USP40: variants seen among roughly 807,000 people sequenced by gnomAD.
USP40 encodes the protein ubiquitin specific peptidase 40, also known as ubiquitin carboxyl-terminal hydrolase 40.
Under a neutral mutation model 166.2 loss-of-function variants are expected in USP40, and 143 were observed. The observed-to-expected ratio is 0.86, with a 90% CI of 0.75 to 0.99. The LOEUF (loss-of-function observed/expected upper bound fraction) is 0.99, where lower values mean the gene tolerates loss of function less well. Ranked by LOEUF, USP40 falls within the 50% of genes least tolerant of loss-of-function variation. The pLI is 0.00. For missense variants in USP40, 1,444 were observed against 1,479.7 expected (o/e 0.98, Z 0.40); for synonymous variants, 498 against 524.0 (o/e 0.95, Z 0.68).
In USP40 at chr2:233,487,715, TAATA is replaced by T. The variant is rs545804995; in HGVS notation, c.3197+520_3197+523del. 11 of 222,544 alleles carry T rather than the reference TAATA, an allele frequency of 4.9e-5. No homozygotes were observed. The South Asian group carries it at 6.6e-4, about 13-fold the overall frequency. The allele number at this position is 222,544 out of a possible 1,614,324, so 13.8% of individuals were successfully genotyped here. A position where few individuals can be genotyped will look rare whatever the true frequency, so the allele number is the denominator to read the frequency against. ...AGACAATTTTGGGTGTATCTTTATT[TAATA>T]AATAATTATTGACTATGACATGGGC... On this transcript the variant is annotated intron_variant, in intron 28 of 31. Coordinates refer to ENST00000678225, the MANE Select transcript of USP40 (RefSeq NM_001365479.2).
At position 233,477,143 on chromosome 2, in the gene USP40, A is replaced by G. The variant is rs2064220185; in HGVS notation, c.*249T>C. 2.0e-6 allele frequency: 1 copy of G among 509,402 alleles called. No homozygotes were observed. 31.6% of individuals were successfully genotyped at this position (509,402 alleles called of 1,614,324 possible). A position where few individuals can be genotyped will look rare whatever the true frequency, so the allele number is the denominator to read the frequency against. ...CAGCTGGGGCCGGGTGCTGTGTGAG[A>G]GAGCCCAGCACCTACTGGCAGCTGG... On this transcript the variant is annotated 3_prime_UTR_variant, in exon 32 of 32. Coordinates refer to ENST00000678225, the MANE Select transcript of USP40 (RefSeq NM_001365479.2).
intron 21 of USP40, among the ~76,000 whole-genome samples, chr2:233,501,800 GT>G (rs1216178873): frequency 2.0e-5 from 3 of 152,240 alleles, no homozygotes; most frequent in African/African-American, 7.2e-5. Context: ...GAGCTTTACT[GT>G]GAATATGTTC....
rs951300711 is a variant in USP40, at chr2:233,556,184, A to C, written c.546+671T>G. 3.9e-5 allele frequency among the ~76,000 whole-genome samples: 6 copies of C among 152,102 alleles called. No homozygotes were observed. In the East Asian group the frequency reaches 1.2e-3, roughly 29 times the overall value. On this transcript the variant is annotated intron_variant, in intron 5 of 31. Coordinates refer to ENST00000678225, the MANE Select transcript of USP40 (RefSeq NM_001365479.2). ...TACACAAACTTCCTTGGCATAAATAACAAAAGCAGCCTTTTATTAAAGGAT... is the reference window on the plus strand; with the variant it reads ...TACACAAACTTCCTTGGCATAAATACCAAAAGCAGCCTTTTATTAAAGGAT...
In USP40 at chr2:233,536,753, C is replaced by G. The variant is rs575960323; in HGVS notation, c.1171-2974G>C. 6.6e-5 allele frequency among the ~76,000 whole-genome samples: 10 copies of G among 152,224 alleles called. No individual in the cohort carries two copies. In the East Asian group the frequency reaches 1.9e-3, roughly 29 times the overall value. ...TCCTCAGTATCTGCAGTTTCCAAAT[C>G]CACAGATTCAACCAACCATGAATCA... On this transcript the variant is annotated intron_variant, in intron 10 of 31. Coordinates refer to ENST00000678225, the MANE Select transcript of USP40 (RefSeq NM_001365479.2).
chr2:233,530,350 A>G (rs1052946177), intron 11 of USP40, among the ~76,000 whole-genome samples: 2 of 152,204 alleles, frequency 1.3e-5, no homozygotes, highest in African/African-American at 4.8e-5. Flanking sequence ...AGTCCATTCT[A>G]TAAGGAGCAT....
At chr2:233,495,344 T>C (rs939016101) in intron 24 of USP40, among the ~76,000 whole-genome samples, 2 of 152,044 alleles carry the variant, frequency 1.3e-5, no homozygotes, top group African/African-American at 4.8e-5. Context: ...AGTCTTCACA[T>C]TGTCATTGTC....
intron 18 of USP40, among the ~76,000 whole-genome samples, chr2:233,513,549 C>G (rs2066976430): frequency 6.6e-6 from 1 of 152,070 alleles, no homozygotes; most frequent in Non-Finnish European, 1.5e-5. Context: ...GTACTTTATT[C>G]AGTTACAGTT....
intron 13 of USP40, 56 bp from the exon 14 acceptor site, chr2:233,525,618 C>T (rs1204999069): frequency 1.5e-6 from 2 of 1,341,384 alleles, no homozygotes; most frequent in African/African-American, 1.4e-5. Context: ...ATACATATCA[C>T]CTTTCCAGGT....
At chr2:233,549,013 A>T (rs1469941175) in intron 8 of USP40, 88 bp downstream of exon 8, 1 of 1,363,764 alleles carries the variant, frequency 7.3e-7, no homozygotes, top group Non-Finnish European at 9.9e-7. Context: ...GTGGATATAT[A>T]ATAAATGGTA....
Position 233,557,032 on chromosome 2 carries a change from T to C in USP40, c.382-13A>G. The C allele has an allele frequency of 6.2e-7, 1 of 1,604,078 alleles. No homozygotes were observed. The highest frequency in any genetic ancestry group is 8.5e-7 in the Non-Finnish European group (1 of 1,176,484). ...GTTGCCTCATTTCCTACAAAACAGG[T>C]AACTTTTAGATGTAATTCCGGGCTT... On this transcript the variant is annotated splice_polypyrimidine_tract_variant and intron_variant, in intron 4 of 31. Coordinates refer to ENST00000678225, the MANE Select transcript of USP40 (RefSeq NM_001365479.2).
Position 233,551,518 on chromosome 2 carries a change from G to A in USP40, c.695C>T (p.Ser232Leu), listed in dbSNP as rs779074043. The A allele has an allele frequency of 5.7e-6, 9 of 1,585,702 alleles. No homozygotes were observed. The highest frequency in any genetic ancestry group is 3.5e-5 in the South Asian group (3 of 85,220). Residue 232 changes from serine (S) to leucine (L), a missense_variant and splice_region_variant, in exon 7 of 32, where the codon TCG (serine) becomes TTG (leucine). Transcript: ENST00000678225. ...TCDRLVKAAKSAKLRKLPPFL... is the reference protein window; with the variant it reads ...TCDRLVKAAKLAKLRKLPPFL... Reference sequence around the variant, plus strand: ...AGGAGGCAGCTTACGTAATTTGGCCGACTGTTAAAAGAAAAATTTACAAAG... The same window carrying A: ...AGGAGGCAGCTTACGTAATTTGGCCAACTGTTAAAAGAAAAATTTACAAAG...
intron 4 of USP40, 88 bp from the exon 5 acceptor site, chr2:233,557,107 A>G: frequency 1.7e-6 from 2 of 1,195,542 alleles, no homozygotes; most frequent in Non-Finnish European, 2.4e-6. Context: ...TAAAAACTCA[A>G]GATTTATCAA....
In USP40 at chr2:233,475,669, T is replaced by TG. The variant is rs1215925718; in HGVS notation, c.*1722dup. ...GGCCGGCCCGGCCGCACGCGCCTGC[T>TG]GGACGGCACTTCAGGGCACAACCCA... On this transcript the variant is annotated 3_prime_UTR_variant, in exon 32 of 32. Coordinates refer to ENST00000678225, the MANE Select transcript of USP40 (RefSeq NM_001365479.2). The TG allele has an allele frequency of 1.3e-5, 2 of 152,404 alleles. No homozygotes were observed. Among genetic ancestry groups the TG allele is most frequent in the Admixed American group, 1.3e-4 (2 of 15,290 alleles). The allele number at this position is 152,404 out of a possible 1,614,324, so 9.4% of individuals were successfully genotyped here. A position where few individuals can be genotyped will look rare whatever the true frequency, so the allele number is the denominator to read the frequency against.
intron 21 of USP40, among the ~76,000 whole-genome samples, chr2:233,502,832 A>G (rs2066169785): frequency 6.6e-6 from 1 of 152,066 alleles, no homozygotes; most frequent in Non-Finnish European, 1.5e-5. Context: ...AAAGCCAACA[A>G]CACATCATTT....
rs371631269 is a variant in USP40, at chr2:233,524,578, C to T, written c.1811-16G>A. 6.4e-7 allele frequency: 1 copy of T among 1,569,518 alleles called. No homozygotes were observed. Among genetic ancestry groups the T allele is most frequent in the Non-Finnish European group, 8.6e-7 (1 of 1,157,890 alleles). ...AGTTCATCCCCTAGAAAGAGATCACCAGTGAGACCATTCATCATGACCATC... is the reference window on the plus strand; with the variant it reads ...AGTTCATCCCCTAGAAAGAGATCACTAGTGAGACCATTCATCATGACCATC... On this transcript the variant is annotated splice_polypyrimidine_tract_variant and intron_variant, in intron 14 of 31. Transcript: ENST00000678225.
At chr2:233,548,954 A>T (rs964847234) in intron 8 of USP40, 147 bp downstream of exon 8, 9 of 698,292 alleles carry the variant, frequency 1.3e-5, no homozygotes, top group Admixed American at 7.0e-5. Context: ...TAAAAATTTA[A>T]AACTTGTATC....
rs2064879437 is a variant in USP40 at position 233,485,393 on chromosome 2, C to T, written c.3504+138G>A. The T allele has an allele frequency of 6.7e-6, 5 of 751,274 alleles. No homozygotes were observed. The East Asian group carries it at 1.1e-4, about 16-fold the overall frequency. The allele number at this position is 751,274 out of a possible 1,614,324, so 46.5% of individuals were successfully genotyped here. A position where few individuals can be genotyped will look rare whatever the true frequency, so the allele number is the denominator to read the frequency against. On this transcript the variant is annotated intron_variant, in intron 30 of 31. Coordinates refer to ENST00000678225, the MANE Select transcript of USP40 (RefSeq NM_001365479.2). ...TGTAAAGTCAGTTGTCCAGTTTTCC[C>T]TCTTTTTTATCCATTCTCTGAAACA...
rs184897506 is a variant in USP40 at position 233,528,110 on chromosome 2, C to G, written c.1554-532G>C. Among the ~76,000 whole-genome samples the G allele has an allele frequency of 1.0e-3, 152 of 152,132 alleles. 1 individual carries two copies. The highest frequency in any genetic ancestry group is 3.4e-3 in the African/African-American group (140 of 41,486). ...TCTTCTGCCTCAGCCTCCTGAGTAGCTGGGATTACATGTGTGTGCCACCAT... is the reference window on the plus strand; with the variant it reads ...TCTTCTGCCTCAGCCTCCTGAGTAGGTGGGATTACATGTGTGTGCCACCAT... On this transcript the variant is annotated intron_variant, in intron 12 of 31. Transcript: ENST00000678225.
At chr2:233,528,024 G>A (rs927928631) in intron 12 of USP40, among the ~76,000 whole-genome samples, 20 of 151,104 alleles carry the variant, frequency 1.3e-4, no homozygotes, top group African/African-American at 4.4e-4. Flanking sequence ...TGTCGCCAAG[G>A]CTGGAGTGCA....
Sources: gnomAD v4.1 joint callset for allele counts (sites outside exome capture counted in the v4.1 genomes callset) on GRCh38, gnomAD v4.1.1 for gene constraint, MANE v1.5 for transcripts, NCBI Gene and HGNC (gene_info 2026-07-23, HGNC 2026-07-21) for gene names.